SCUBE1: variants seen among roughly 807,000 people sequenced by gnomAD.
SCUBE1 encodes signal peptide, CUB domain and EGF like domain containing 1, also known as signal peptide, CUB and EGF-like domain-containing protein 1.
A neutral mutation model predicts 124.4 loss-of-function variants in SCUBE1; 59 were observed. The ratio of observed to expected loss-of-function variants is 0.47; its 90% CI spans 0.38 to 0.59. The LOEUF is 0.59. Among genes scored for constraint, SCUBE1 ranks in the 20% least tolerant of loss-of-function variants. The pLI is 0.00. For missense variants in SCUBE1, 1,150 were observed against 1,371.2 expected, an observed-to-expected ratio of 0.84 and a Z score of 2.55; for synonymous variants, 545 against 550.9, an observed-to-expected ratio of 0.99 and a Z score of 0.15.
At chr22:43,331,220 G>A (rs1192440115) in intron 2 of SCUBE1, among the ~76,000 whole-genome samples, 2 of 152,052 alleles carry the variant, frequency 1.3e-5, no homozygotes, top group African/African-American at 2.4e-5. Flanking sequence ...ACAAGTAGAC[G>A]CCGGGGATAT....
At chr22:43,214,047 G>GGGGCCCCCCCCCCCCCCCCCCCC in intron 16 of SCUBE1, 43 bp downstream of exon 16, 1 of 143,440 alleles carries the variant, frequency 7.0e-6, no homozygotes, top group East Asian at 2.8e-4. Context: ...AGGAGCCCCC[G>GGGGCCCCCCCCCCCCCCCCCCCC]CCCACCCCCC....
At chr22:43,312,934 C>T (rs1926222848) in intron 3 of SCUBE1, among the ~76,000 whole-genome samples, 1 of 152,206 alleles carries the variant, frequency 6.6e-6, no homozygotes, top group Admixed American at 6.5e-5. Context: ...GCAGGGCAGG[C>T]TTACAGGCTG....
chr22:43,206,520 AG>A (rs1327648700), intron 21 of SCUBE1, among the ~76,000 whole-genome samples: 1 of 152,070 alleles, frequency 6.6e-6, no homozygotes, highest in Non-Finnish European at 1.5e-5. Flanking sequence ...GGTGGGCGCC[AG>A]GAAGGAGGGG....
intron 2 of SCUBE1, among the ~76,000 whole-genome samples, chr22:43,337,742 A>G (rs1405232615): frequency 6.6e-6 from 1 of 152,252 alleles, no homozygotes; most frequent in Non-Finnish European, 1.5e-5. Context: ...AAACACCACC[A>G]GCATCCCAGG....
intron 4 of SCUBE1, among the ~76,000 whole-genome samples, chr22:43,290,076 T>C (rs1010142993): frequency 6.6e-6 from 1 of 152,172 alleles, no homozygotes; most frequent in Non-Finnish European, 1.5e-5. Context: ...AGCCAGGCCC[T>C]GGGAACCTTG....
intron 16 of SCUBE1, chr22:43,213,526 A>G (rs1258871693): frequency 2.0e-5 from 3 of 152,314 alleles, no homozygotes; most frequent in African/African-American, 7.2e-5. Flanking sequence ...AGACTGAGCT[A>G]GCTTCACAGA....
At chr22:43,208,392 C>T (rs570816647) in intron 19 of SCUBE1, among the ~76,000 whole-genome samples, 168 bp from the exon 20 acceptor site, 1 of 152,310 alleles carries the variant, frequency 6.6e-6, no homozygotes, top group South Asian at 2.1e-4. Context: ...GAGGCCCTTC[C>T]CTACCCTCAA....
intron 15 of SCUBE1, among the ~76,000 whole-genome samples, chr22:43,216,210 C>T (rs1486367201): frequency 6.6e-6 from 1 of 151,648 alleles, no homozygotes; most frequent in Non-Finnish European, 1.5e-5. Context: ...CCACACCCAG[C>T]TAATTTTTGT....
intron 4 of SCUBE1, among the ~76,000 whole-genome samples, chr22:43,267,455 T>C (rs1248591226): frequency 3.3e-5 from 5 of 152,228 alleles, no homozygotes; most frequent in Admixed American, 1.3e-4. Flanking sequence ...CATCCCTAGC[T>C]GCGTGTGCTA....
intron 3 of SCUBE1, among the ~76,000 whole-genome samples, chr22:43,306,152 A>G (rs1925961918): frequency 6.6e-6 from 1 of 152,164 alleles, no homozygotes; most frequent in South Asian, 2.1e-4. Context: ...GGTAAGCGAG[A>G]CTATTGACAG....
chr22:43,342,488 C>G (rs1191498597), intron 1 of SCUBE1, among the ~76,000 whole-genome samples: 4 of 151,844 alleles, frequency 2.6e-5, no homozygotes, highest in Non-Finnish European at 5.9e-5. Flanking sequence ...CTCTCTTTCC[C>G]GGTCTCCCTC....
At chr22:43,334,238 G>A (rs980303133) in intron 2 of SCUBE1, among the ~76,000 whole-genome samples, 1 of 152,218 alleles carries the variant, frequency 6.6e-6, no homozygotes, top group Non-Finnish European at 1.5e-5. Context: ...TGCCATCCCC[G>A]AAGTAGGCTT....
At chr22:43,281,939 A>G (rs1440942214) in intron 4 of SCUBE1, 1 of 152,448 alleles carries the variant, frequency 6.6e-6, no homozygotes, top group African/African-American at 2.4e-5. Flanking sequence ...TCCCATAGGT[A>G]ACCACAGCTG....
intron 9 of SCUBE1, among the ~76,000 whole-genome samples, chr22:43,228,330 G>GC (rs1385687455): frequency 6.6e-6 from 1 of 152,120 alleles, no homozygotes; most frequent in Non-Finnish European, 1.5e-5. Context: ...TGCCCACCCT[G>GC]CCCCGGCTCC....
chr22:43,283,587 A>G (rs1330965718), intron 4 of SCUBE1: 3 of 152,184 alleles, frequency 2.0e-5, no homozygotes, highest in Non-Finnish European at 2.9e-5. Context: ...ATATTGTTCA[A>G]TTATAACTAA....
intron 1 of SCUBE1, among the ~76,000 whole-genome samples, chr22:43,342,805 C>T (rs1927369591): frequency 6.6e-6 from 1 of 151,960 alleles, no homozygotes; most frequent in Non-Finnish European, 1.5e-5. Context: ...CCTCCGCCCG[C>T]CCCGCCCCGC....
chr22:43,287,350 C>T (rs188861594), intron 4 of SCUBE1, among the ~76,000 whole-genome samples: 11 of 152,336 alleles, frequency 7.2e-5, no homozygotes, highest in African/African-American at 1.7e-4. Flanking sequence ...AGCAGTTTTC[C>T]GCGAATGGGG....
In SCUBE1 at chr22:43,255,513, C is replaced by T. The variant is rs1450398122; in HGVS notation, c.727+2706G>A. 1 of 1,550,552 alleles carries T rather than the reference C, an allele frequency of 6.4e-7. No individual in the cohort carries two copies. Among genetic ancestry groups the T allele is most frequent in the Non-Finnish European group, 8.7e-7 (1 of 1,147,018 alleles). On this transcript the variant is annotated intron_variant, in intron 6 of 21. Coordinates refer to ENST00000360835, the MANE Select transcript of SCUBE1 (RefSeq NM_173050.5). The surrounding 1 kb of genome is among the most constrained non-coding windows in gnomAD (Gnocchi z 4.7). ...CCATGAGTAGCCGCCGTTTCACCCG[C>T]TTGTCCACATCAGCTACTGACGTGG...
intron 2 of SCUBE1, among the ~76,000 whole-genome samples, chr22:43,334,294 T>C (rs9612042): frequency 0.17 from 25,504 of 152,238 alleles, 2,333 homozygotes; most frequent in Admixed American, 0.19. Context: ...TCTTATTGTA[T>C]GTTCTTGATA....
Sources: allele counts gnomAD v4.1 joint callset (sites outside exome capture counted in the v4.1 genomes callset), GRCh38; gene constraint gnomAD v4.1.1; non-coding constraint Gnocchi (gnomAD v3.1); transcripts MANE v1.5; gene names NCBI Gene and HGNC (gene_info 2026-07-23, HGNC 2026-07-21).